HEMK2: variants seen among roughly 807,000 people sequenced by gnomAD.
HEMK2 encodes the protein HemK methyltransferase 2, ETF1 glutamine and histone H4 lysine.
chr21:28,782,587 A>G, the HEMK2 span, among the ~76,000 whole-genome samples: 1 of 152,254 alleles, frequency 6.6e-6, no homozygotes, highest in Non-Finnish European at 1.5e-5. Context: ...AGTAATAACT[A>G]TAACATATGT....
the HEMK2 span, among the ~76,000 whole-genome samples, chr21:28,841,154 T>TTTATATA: frequency 5.6e-5 from 1 of 17,934 alleles, no homozygotes; most frequent in African/African-American, 3.7e-4. Context: ...ATAATTATAA[T>TTTATATA]TTATATATAA....
the HEMK2 span, among the ~76,000 whole-genome samples, chr21:28,813,624 A>G: frequency 6.6e-6 from 1 of 152,228 alleles, no homozygotes; most frequent in South Asian, 2.1e-4. Context: ...TAGCCAAGAT[A>G]ATCGTAAGCA....
chr21:28,838,039 T>C, the HEMK2 span, among the ~76,000 whole-genome samples: 31 of 152,252 alleles, frequency 2.0e-4, no homozygotes, highest in African/African-American at 7.2e-4. Context: ...GAGATTGAAA[T>C]GGCAATTTTA....
At chr21:28,615,081 G>T in the HEMK2 span, among the ~76,000 whole-genome samples, 1 of 151,958 alleles carries the variant, frequency 6.6e-6, no homozygotes, top group Non-Finnish European at 1.5e-5. Context: ...GGGTGATATG[G>T]GTGGCTTCTC....
chr21:28,878,525 T>C, the HEMK2 span, among the ~76,000 whole-genome samples: 12 of 152,338 alleles, frequency 7.9e-5, no homozygotes, highest in South Asian at 2.3e-3. Context: ...GTAATCCTGT[T>C]TGTGAATTAC....
At chr21:28,809,957 C>T in the HEMK2 span, among the ~76,000 whole-genome samples, 66,721 of 151,866 alleles carry the variant, frequency 0.44, 16,016 homozygotes, top group East Asian at 0.71. Context: ...TATTCTCTCA[C>T]TGCCTTACTC....
the HEMK2 span, among the ~76,000 whole-genome samples, chr21:28,610,491 T>C: frequency 2.0e-5 from 3 of 150,392 alleles, no homozygotes; most frequent in African/African-American, 7.4e-5. Flanking sequence ...AACAATACAA[T>C]GAAAAAAAAA....
the HEMK2 span, among the ~76,000 whole-genome samples, chr21:28,609,797 C>A: frequency 6.6e-6 from 1 of 151,934 alleles, no homozygotes; most frequent in African/African-American, 2.4e-5. Context: ...TAGAATAGAA[C>A]AAGGAGAAGA....
the HEMK2 span, among the ~76,000 whole-genome samples, chr21:28,762,195 A>T: frequency 9.2e-5 from 14 of 152,236 alleles, no homozygotes; most frequent in African/African-American, 3.4e-4. Flanking sequence ...TGTCTCTAGC[A>T]CATTATGTTT....
chr21:28,612,333 C>T, the HEMK2 span, among the ~76,000 whole-genome samples: 2 of 152,092 alleles, frequency 1.3e-5, no homozygotes, highest in African/African-American at 4.8e-5. Context: ...ACAAAAATCA[C>T]ATGATCATGT....
chr21:28,597,925 C>T, the HEMK2 span, among the ~76,000 whole-genome samples: 1 of 151,974 alleles, frequency 6.6e-6, no homozygotes, highest in East Asian at 1.9e-4. Flanking sequence ...GAAACTTGAA[C>T]AGAAATCGTC....
the HEMK2 span, among the ~76,000 whole-genome samples, chr21:28,745,599 C>A: frequency 6.6e-6 from 1 of 152,168 alleles, no homozygotes; most frequent in African/African-American, 2.4e-5. Context: ...TCTATCTCAC[C>A]TCACCAGCAG....
At chr21:28,577,941 C>T in the HEMK2 span, among the ~76,000 whole-genome samples, 1 of 152,108 alleles carries the variant, frequency 6.6e-6, no homozygotes, top group African/African-American at 2.4e-5. Flanking sequence ...TAATTGGCTC[C>T]CAAACTCCAG....
the HEMK2 span, among the ~76,000 whole-genome samples, chr21:28,691,207 C>A: frequency 6.6e-6 from 1 of 151,702 alleles, no homozygotes; most frequent in Non-Finnish European, 1.5e-5. Flanking sequence ...GAGATGCTTC[C>A]CCTCATCTAC....
the HEMK2 span, among the ~76,000 whole-genome samples, chr21:28,859,156 G>T: frequency 3.3e-5 from 5 of 152,254 alleles, no homozygotes; most frequent in African/African-American, 1.2e-4. Flanking sequence ...ATTCACTCAG[G>T]ACATACCTGG....
At chr21:28,864,805 TGAAAGACAGACAGACAGATA>T in the HEMK2 span, among the ~76,000 whole-genome samples, 11 of 144,056 alleles carry the variant, frequency 7.6e-5, no homozygotes, top group African/African-American at 2.6e-4. Context: ...TACCTCTCTC[TGAAAGACAGACAGACAGATA>T]GATAGATAGA....
chr21:28,848,377 C>T, the HEMK2 span, among the ~76,000 whole-genome samples: 154 of 151,838 alleles, frequency 1.0e-3, no homozygotes, highest in African/African-American at 3.5e-3. Context: ...CTTGAATTTT[C>T]TAGGCATACA....
the HEMK2 span, among the ~76,000 whole-genome samples, chr21:28,841,819 A>G: frequency 1.3e-5 from 2 of 152,082 alleles, no homozygotes; most frequent in African/African-American, 4.8e-5. Flanking sequence ...AAAAATAAAA[A>G]ATAAAAACAA....
chr21:28,611,133 T>C, the HEMK2 span, among the ~76,000 whole-genome samples: 451 of 152,238 alleles, frequency 3.0e-3, 4 homozygotes, highest in African/African-American at 0.01. Context: ...TTCCCCAAGA[T>C]AGACCATATG....
Sources: allele counts gnomAD v4.1 joint callset (sites outside exome capture counted in the v4.1 genomes callset), GRCh38; gene constraint gnomAD v4.1.1; transcripts MANE v1.5; gene names NCBI Gene and HGNC (gene_info 2026-07-23, HGNC 2026-07-21).